ZNF441: variants seen among roughly 807,000 people sequenced by gnomAD.
ZNF441 encodes zinc finger protein 441.
ZNF441 carries 25 observed loss-of-function variants against 64.5 expected under a neutral mutation model. The ratio of observed to expected loss-of-function variants is 0.39; its 90% CI spans 0.28 to 0.54. ZNF441 has a LOEUF of 0.54. Among genes scored for constraint, ZNF441 ranks in the 20% least tolerant of loss-of-function variants. The pLI, the probability that ZNF441 is intolerant of heterozygous loss-of-function variation, is 0.70. For missense variants in ZNF441, 715 were observed against 843.3 expected, an observed-to-expected ratio of 0.85 and a Z score of 1.88; for synonymous variants, 262 against 268.0, an observed-to-expected ratio of 0.98 and a Z score of 0.22.
Position 11,780,708 on chromosome 19 carries a change from T to G in ZNF441, c.884T>G (p.Phe295Cys), listed in dbSNP as rs757135004. 1.9e-6 allele frequency: 3 copies of G among 1,614,078 alleles called. No homozygotes were observed. Among genetic ancestry groups the G allele is most frequent in the Non-Finnish European group, 2.5e-6 (3 of 1,180,008 alleles). ...CGKAFYHLGSFQRHMIVHTGD... is the reference protein window; with the variant it reads ...CGKAFYHLGSCQRHMIVHTGD... ...AAAGCATTTTATCATCTTGGAAGCTTTCAAAGACACATGATAGTGCACACT... is the reference window on the plus strand; with the variant it reads ...AAAGCATTTTATCATCTTGGAAGCTGTCAAAGACACATGATAGTGCACACT... The change falls in exon 4 of 4, where the codon TTT (phenylalanine) becomes TGT (cysteine). Residue 295 changes from phenylalanine (F) to cysteine (C), a missense_variant. By Grantham distance (205) the Phe-to-Cys change is radical. Coordinates refer to ENST00000357901, the MANE Select transcript of ZNF441 (RefSeq NM_152355.3).
chr19:11,777,667 G>T lies in ZNF441; in HGVS notation c.60G>T (p.Leu20Phe). 4 of 1,613,718 alleles carry T rather than the reference G, an allele frequency of 2.5e-6. No homozygotes were observed. The highest frequency in any genetic ancestry group is 3.4e-6 in the Non-Finnish European group (4 of 1,179,740). ...AINFTCEEWA[L>F]LGPSQKSLYR... ...ACTTCACCTGTGAGGAGTGGGCTTT[G>T]CTGGGTCCATCACAGAAGAGTCTCT... Residue 20 changes from leucine (L) to phenylalanine (F), a missense_variant, in exon 2 of 4, where the codon TTG (leucine) becomes TTT (phenylalanine). Physicochemically the swap from Leu to Phe is conservative, Grantham distance 22. Around this residue, in one of 2 missense-constraint regions of ZNF441, gnomAD observed 399 missense variants for 413.9 expected, o/e 0.96. Transcript: ENST00000357901.
rs774013693 is a variant in ZNF441, at chr19:11,781,342, G to A, written c.1518G>A (p.Lys506=). 5.0e-6 allele frequency: 8 copies of A among 1,612,532 alleles called. No individual in the cohort carries two copies. Among genetic ancestry groups the A allele is most frequent in the Admixed American group, 1.7e-5 (1 of 59,856 alleles). Residue 506 remains lysine (K), a synonymous_variant, in exon 4 of 4, where the codon AAG becomes AAA. Coordinates refer to ENST00000357901, the MANE Select transcript of ZNF441 (RefSeq NM_152355.3). The part of the protein sequence containing the change: ...MHTGDGPHKC[K]ICGKSFDSPS... ...CTGGAGATGGACCTCATAAATGTAA[G>A]ATATGTGGGAAAAGCTTTGATTCTC...
chr19:11,779,924 A>AAAAG (rs1176698404), intron 3 of ZNF441, 95 bp from the exon 4 acceptor site: 1 of 1,161,486 alleles, frequency 8.6e-7, no homozygotes, highest in Non-Finnish European at 1.2e-6. Context: ...AAAAAAAAAG[A>AAAAG]AAAGAAAGAA....
rs749095887 is a variant in ZNF441, at chr19:11,780,539, A to T, written c.715A>T (p.Thr239Ser). The part of the protein sequence containing the change: ...CSTAFPAYSS[T>S]LRHERTHSGE... Reference sequence around the variant, plus strand: ...TACAGCGTTTCCTGCTTATAGTTCCACTCTAAGACATGAAAGAACACACAG... The same window carrying T: ...TACAGCGTTTCCTGCTTATAGTTCCTCTCTAAGACATGAAAGAACACACAG... Residue 239 changes from threonine (T) to serine (S), a missense_variant, in exon 4 of 4, where the codon ACT becomes TCT. Thr to Ser is a moderately conservative substitution (Grantham distance 58, BLOSUM62 1). This residue lies in a region of ZNF441 where 399 missense variants were observed against 413.9 expected (regional missense o/e 0.96). Coordinates refer to ENST00000357901, the MANE Select transcript of ZNF441 (RefSeq NM_152355.3). 1 of 1,613,956 alleles carries T rather than the reference A, an allele frequency of 6.2e-7. No individual in the cohort carries two copies. Among genetic ancestry groups the T allele is most frequent in the African/African-American group, 1.3e-5 (1 of 74,894 alleles).
At chr19:11,772,252 CACTACT>C (rs1975320161) in intron 1 of ZNF441, among the ~76,000 whole-genome samples, 1 of 152,212 alleles carries the variant, frequency 6.6e-6, no homozygotes, top group South Asian at 2.1e-4. Context: ...CATTTGGGGC[CACTACT>C]GGTCTCCGCA....
chr19:11,770,273 GAGAACCCACTATCACA>G (rs1251026117), intron 1 of ZNF441, among the ~76,000 whole-genome samples: 11 of 152,074 alleles, frequency 7.2e-5, no homozygotes, highest in Non-Finnish European at 1.3e-4. Context: ...CAGATTTCAT[GAGAACCCACTATCACA>G]AGAACAGCGT....
chr19:11,769,551 G>GTTGCTATAA (rs901682141), intron 1 of ZNF441, among the ~76,000 whole-genome samples: 2 of 152,128 alleles, frequency 1.3e-5, no homozygotes, highest in African/African-American at 4.8e-5. Context: ...AGTCCTTTGG[G>GTTGCTATAA]TTGCTATAAC....
At chr19:11,770,575 GT>G (rs531854977) in intron 1 of ZNF441, among the ~76,000 whole-genome samples, 24 of 152,192 alleles carry the variant, frequency 1.6e-4, no homozygotes, top group African/African-American at 5.8e-4. Context: ...GGGACTTTTT[GT>G]TTGTTTGTTT....
rs1975413193 is a variant in ZNF441 at position 11,782,597 on chromosome 19, A to C, written c.*691A>C. 4 of 152,330 alleles carry C rather than the reference A, an allele frequency of 2.6e-5. No individual in the cohort carries two copies. Among genetic ancestry groups the C allele is most frequent in the African/African-American group, 9.6e-5 (4 of 41,580 alleles). The allele number at this position is 152,330 out of a possible 1,614,324, so 9.4% of individuals were successfully genotyped here. A position where few individuals can be genotyped will look rare whatever the true frequency, so the allele number is the denominator to read the frequency against. Reference sequence around the variant, plus strand: ...CTAAGTACGTGTACATGTCAGCAACAATGTCAGGATCTGTGGAGTTTGCGA... The same window carrying C: ...CTAAGTACGTGTACATGTCAGCAACCATGTCAGGATCTGTGGAGTTTGCGA... On this transcript the variant is annotated 3_prime_UTR_variant, in exon 4 of 4. Coordinates refer to ENST00000357901, the MANE Select transcript of ZNF441 (RefSeq NM_152355.3).
intron 1 of ZNF441, among the ~76,000 whole-genome samples, chr19:11,776,561 T>G (rs555873628): frequency 8.2e-4 from 125 of 152,320 alleles, no homozygotes; most frequent in African/African-American, 2.9e-3. Context: ...GACATTGAGT[T>G]TTTTTCTAAG....
At chr19:11,776,812 C>CTT (rs35406332) in intron 1 of ZNF441, among the ~76,000 whole-genome samples, 2 of 146,284 alleles carry the variant, frequency 1.4e-5, no homozygotes, top group Non-Finnish European at 3.0e-5. Flanking sequence ...TGTTTTTTCC[C>CTT]TTTTTTTTTT....
At chr19:11,771,835 T>C (rs1486917300) in intron 1 of ZNF441, among the ~76,000 whole-genome samples, 1 of 152,220 alleles carries the variant, frequency 6.6e-6, no homozygotes, top group East Asian at 1.9e-4. Context: ...GAGTCTCCTT[T>C]TCCCCGGGGG....
rs1370369025 is a variant in ZNF441 at position 11,781,078 on chromosome 19, A to G, written c.1254A>G (p.Pro418=). 3 of 1,613,430 alleles carry G rather than the reference A, an allele frequency of 1.9e-6. No individual in the cohort carries two copies. Among genetic ancestry groups the G allele is most frequent in the African/African-American group, 1.3e-5 (1 of 74,750 alleles). ...NHETTHTGEK[P]YKCKQCGKAF... is the part of the protein sequence containing the mutation. ...AAACTACTCACACTGGAGAGAAGCCATATAAATGTAAACAATGTGGAAAAG... is the reference window on the plus strand; with the variant it reads ...AAACTACTCACACTGGAGAGAAGCCGTATAAATGTAAACAATGTGGAAAAG... Residue 418 remains proline, a synonymous_variant, in exon 4 of 4, where the codon CCA becomes CCG. Coordinates refer to ENST00000357901, the MANE Select transcript of ZNF441 (RefSeq NM_152355.3).
At chr19:11,772,098 C>T (rs571718049) in intron 1 of ZNF441, among the ~76,000 whole-genome samples, 1 of 152,328 alleles carries the variant, frequency 6.6e-6, no homozygotes, top group East Asian at 1.9e-4. Context: ...TGTCTCCTCT[C>T]CCTCTCTGCC....
intron 1 of ZNF441, among the ~76,000 whole-genome samples, chr19:11,770,171 C>A (rs1023641626): frequency 1.3e-5 from 2 of 152,080 alleles, no homozygotes; most frequent in Non-Finnish European, 2.9e-5. Context: ...AGGAAACTTA[C>A]AATTGTGGCG....
rs1975276023 is a variant in ZNF441 at position 11,767,092 on chromosome 19, A to G, written c.-102A>G. 2 of 1,535,864 alleles carry G rather than the reference A, an allele frequency of 1.3e-6. No homozygotes were observed. Among genetic ancestry groups the G allele is most frequent in the Non-Finnish European group, 1.8e-6 (2 of 1,133,788 alleles). On this transcript the variant is annotated 5_prime_UTR_variant, in exon 1 of 4. Coordinates refer to ENST00000357901, the MANE Select transcript of ZNF441 (RefSeq NM_152355.3). The surrounding 1 kb of genome is among the most constrained non-coding windows in gnomAD (Gnocchi z 5.1). ...CCTGCACTGGGCTCCGGGTTCTGTC[A>G]CTGAGAGACGCCCTGGAACGTCTGT...
At chr19:11,776,870 G>A (rs1037014710) in intron 1 of ZNF441, among the ~76,000 whole-genome samples, 2 of 151,540 alleles carry the variant, frequency 1.3e-5, no homozygotes, top group South Asian at 4.2e-4. Flanking sequence ...GTGCAATGGC[G>A]CAATCTCGGC....
At chr19:11,779,427 G>A (rs1234917089) in intron 3 of ZNF441, among the ~76,000 whole-genome samples, 1 of 151,786 alleles carries the variant, frequency 6.6e-6, no homozygotes, top group Non-Finnish European at 1.5e-5. Context: ...CTTGAGCTCA[G>A]GAGTTCAAGA....
intron 2 of ZNF441, 30 bp downstream of exon 2, chr19:11,777,767 CAATT>C: frequency 1.3e-6 from 2 of 1,586,944 alleles, no homozygotes; most frequent in Non-Finnish European, 1.7e-6. Context: ...TTCACTTAGT[CAATT>C]AGAGACATTT....
Sources: gnomAD v4.1 joint callset for allele counts (sites outside exome capture counted in the v4.1 genomes callset) on GRCh38, gnomAD v4.1.1 for gene constraint, gnomAD v4.1.1 regional missense constraint, Gnocchi (gnomAD v3.1) non-coding constraint, MANE v1.5 for transcripts, NCBI Gene and HGNC (gene_info 2026-07-23, HGNC 2026-07-21) for gene names.